Variants in SLC13A4 observed in about 807,000 individuals in gnomAD.
SLC13A4 encodes solute carrier family 13 member 4, also known as Na(+)/sulfate cotransporter SUT-1.
In SLC13A4, 28 loss-of-function variants were observed where a neutral mutation model predicts 72.7. The observed-to-expected ratio is 0.39, with a 90% CI of 0.29 to 0.53. The LOEUF is 0.53. Among genes scored for constraint, SLC13A4 ranks in the 20% least tolerant of loss-of-function variants. SLC13A4 has a pLI of 0.78. For synonymous variants in SLC13A4, 312 were observed against 325.5 expected, an observed-to-expected ratio of 0.96 and a Z score of 0.45; for missense variants, 653 against 788.0, an observed-to-expected ratio of 0.83 and a Z score of 2.05.
intron 15 of SLC13A4, among the ~76,000 whole-genome samples, chr7:135,682,561 G>T (rs146283109): frequency 7.9e-4 from 121 of 152,328 alleles, no homozygotes; most frequent in African/African-American, 2.5e-3. Context: ...CCGTCTGGTC[G>T]GGGCCCCCTG....
At chr7:135,700,099 C>T (rs938615441) in intron 7 of SLC13A4, among the ~76,000 whole-genome samples, 16 of 152,198 alleles carry the variant, frequency 1.1e-4, no homozygotes, top group Non-Finnish European at 2.4e-4. Flanking sequence ...ACCTGGATTA[C>T]ATAAAAACCC....
chr7:135,681,730 C>A, intron 15 of SLC13A4, 30 bp from the exon 16 acceptor site: 1 of 1,604,712 alleles, frequency 6.2e-7, no homozygotes. Flanking sequence ...ACACCCTAGT[C>A]ACTCTGACCA....
chr7:135,702,949 C>T (rs1796075249), intron 5 of SLC13A4, 65 bp from the exon 6 acceptor site: 2 of 1,224,296 alleles, frequency 1.6e-6, no homozygotes, highest in South Asian at 1.2e-5. Context: ...GGGAGGTCCC[C>T]CTGCATCAGG....
chr7:135,682,533 C>T (rs1411248245), intron 15 of SLC13A4, among the ~76,000 whole-genome samples: 1 of 152,226 alleles, frequency 6.6e-6, no homozygotes, highest in East Asian at 1.9e-4. Flanking sequence ...AATGGCTAGA[C>T]GTGTCCTCTC....
chr7:135,715,787 G>A (rs1012622393), intron 2 of SLC13A4, among the ~76,000 whole-genome samples: 1 of 152,156 alleles, frequency 6.6e-6, no homozygotes, highest in Admixed American at 6.5e-5. Flanking sequence ...CATTAGAAGG[G>A]GCTTAGAGGA....
rs868715269 is a variant in SLC13A4 at position 135,681,662 on chromosome 7, C to T, written c.1785G>A (p.Val595=). 1.2e-6 allele frequency: 2 copies of T among 1,613,956 alleles called. No individual in the cohort carries two copies. The highest frequency in any genetic ancestry group is 2.7e-5 in the African/African-American group (2 of 74,928). The change falls in exon 16 of 16, where the codon GTG becomes GTA. Residue 595 remains valine, a synonymous_variant. Transcript: ENST00000682651. ...AGGTGTTGATGGCCACCATTACTAT[C>T]ACCAGTCCAATAACGTTGACTCCCA... is the stretch of plus-strand genomic sequence containing the variant. The part of the protein sequence containing the change: ...AGLGVNVIGL[V]IVMVAINTWG...
chr7:135,697,774 G>C (rs575236534), intron 8 of SLC13A4, among the ~76,000 whole-genome samples: 29 of 152,170 alleles, frequency 1.9e-4, no homozygotes, highest in Admixed American at 6.5e-4. Context: ...CTTACCCTCT[G>C]TCGTTTTCTT....
At position 135,705,638 on chromosome 7, in the gene SLC13A4, T is replaced by C. The variant is rs1796143564; in HGVS notation, c.551A>G (p.Lys184Arg). 1 of 1,613,902 alleles carries C rather than the reference T, an allele frequency of 6.2e-7. No individual in the cohort carries two copies. The highest frequency in any genetic ancestry group is 1.7e-5 in the Admixed American group (1 of 59,988). ...GAGTTCCAGAGAAGGTTGGCTGTTC[T>C]TTACATCCAGACCTATGAGTAGCAA... The part of the protein sequence containing the change: ...EEAEPISLDV[K>R]NSQPSLELIF... Residue 184 changes from lysine (K) to arginine (R), a missense_variant, in exon 5 of 16, where the codon AAG becomes AGG. Coordinates refer to ENST00000682651, the MANE Select transcript of SLC13A4 (RefSeq NM_001318192.2).
chr7:135,687,777 G>A (rs200639512), intron 13 of SLC13A4, among the ~76,000 whole-genome samples: 2 of 15,892 alleles, frequency 1.3e-4, no homozygotes, highest in Admixed American at 6.8e-4. Flanking sequence ...TTTACTTAAC[G>A]TTATCCAAAT....
At chr7:135,707,892 G>C (rs963301383) in intron 3 of SLC13A4, 3 of 506,100 alleles carry the variant, frequency 5.9e-6, no homozygotes, top group Non-Finnish European at 1.0e-5. Context: ...AGGTCAATGG[G>C]TAAATTCTTT....
chr7:135,711,516 A>G (rs1427558943), intron 2 of SLC13A4, among the ~76,000 whole-genome samples: 1 of 152,182 alleles, frequency 6.6e-6, no homozygotes, highest in Non-Finnish European at 1.5e-5. Context: ...CAGTGCTATG[A>G]AGCAGCACTA....
At position 135,721,399 on chromosome 7, in the gene SLC13A4, T is replaced by C. The variant is rs1279653218; in HGVS notation, c.224A>G (p.Asn75Ser). 1 of 1,613,718 alleles carries C rather than the reference T, an allele frequency of 6.2e-7. No individual in the cohort carries two copies. The change falls in exon 2 of 16, where the codon AAT (asparagine) becomes AGT (serine). Residue 75 changes from asparagine to serine, a missense_variant. Transcript: ENST00000682651. ...LYPFFGVLRSNEVAAEYFKNT... is the reference protein window; with the variant it reads ...LYPFFGVLRSSEVAAEYFKNT... ...TGGGGCTACAAGTAGTCTAACCTCA[T>C]TGGACCGGAGGACTCCGAAGAACGG...
At position 135,727,733 on chromosome 7, in the gene SLC13A4, A is replaced by G; in HGVS notation, c.-237T>C. Reference sequence around the variant, plus strand: ...TGATGAGCATCGTTTTGTGACCAGCAAAAAGGAACTGGGAAAGGATGATAA... The same window carrying G: ...TGATGAGCATCGTTTTGTGACCAGCGAAAAGGAACTGGGAAAGGATGATAA... On this transcript the variant is annotated 5_prime_UTR_variant, in exon 1 of 16. Transcript: ENST00000682651. The G allele has an allele frequency of 6.3e-6, 3 of 472,956 alleles. No individual in the cohort carries two copies. Among genetic ancestry groups the G allele is most frequent in the Admixed American group, 3.6e-5 (1 of 27,928 alleles). 29.3% of individuals were successfully genotyped at this position (472,956 alleles called of 1,614,324 possible).
chr7:135,713,617 G>T (rs1450244008), intron 2 of SLC13A4, among the ~76,000 whole-genome samples: 1 of 151,840 alleles, frequency 6.6e-6, no homozygotes, highest in African/African-American at 2.4e-5. Flanking sequence ...TCACTCTGTT[G>T]CCCAGGCTGG....
In SLC13A4 at chr7:135,705,628, T is replaced by C. The variant is rs1472925258; in HGVS notation, c.561A>G (p.Gln187=). ...TGACAAAGATGAGTTCCAGAGAAGG[T>C]TGGCTGTTCTTTACATCCAGACCTA... ...EPISLDVKNS[Q]PSLELIFVNE... The change falls in exon 5 of 16, where the codon CAA becomes CAG. Residue 187 remains glutamine, a synonymous_variant. Coordinates refer to ENST00000682651, the MANE Select transcript of SLC13A4 (RefSeq NM_001318192.2). The C allele has an allele frequency of 1.2e-6, 2 of 1,613,966 alleles. No individual in the cohort carries two copies. Among genetic ancestry groups the C allele is most frequent in the Admixed American group, 1.7e-5 (1 of 59,988 alleles).
In SLC13A4 at chr7:135,706,270, C is replaced by T. The variant is rs748399619; in HGVS notation, c.396G>A (p.Thr132=). The part of the protein sequence containing the change: ...MLLLCFMCCT[T]LLSMWLSNTS... ...TGTTGGACAGCCACATGGACAGCAA[C>T]GTGGTACAGCACATGAAGCAGAGCA... The change falls in exon 4 of 16, where the codon ACG becomes ACA. Residue 132 remains threonine (T), a synonymous_variant. Coordinates refer to ENST00000682651, the MANE Select transcript of SLC13A4 (RefSeq NM_001318192.2). 2.2e-5 allele frequency: 35 copies of T among 1,613,048 alleles called. No homozygotes were observed. Among genetic ancestry groups the T allele is most frequent in the Middle Eastern group, 1.6e-4 (1 of 6,078 alleles).
At chr7:135,715,365 GTGTA>G (rs1563169057) in intron 2 of SLC13A4, among the ~76,000 whole-genome samples, 16 of 100,174 alleles carry the variant, frequency 1.6e-4, no homozygotes, top group Non-Finnish European at 2.0e-4. Context: ...ATGAGTGTAT[GTGTA>G]TGAGTGTGTG....
At position 135,727,497 on chromosome 7, in the gene SLC13A4, C is replaced by G; in HGVS notation, c.-1G>C. On this transcript the variant is annotated 5_prime_UTR_variant, in exon 1 of 16. Transcript: ENST00000682651. ...GGAGCAGGCCCTGCAGCAGGCCCAT[C>G]GCGCCTCTGTCCTCTCCAGCTCGTC... 1 of 1,550,218 alleles carries G rather than the reference C, an allele frequency of 6.5e-7. No homozygotes were observed. Among genetic ancestry groups the G allele is most frequent in the African/African-American group, 1.4e-5 (1 of 73,166 alleles).
chr7:135,685,687 T>G lies in SLC13A4; in HGVS notation c.1447-4A>C. On this transcript the variant is annotated splice_region_variant and splice_polypyrimidine_tract_variant and intron_variant, in intron 13 of 15. Transcript: ENST00000682651. ...TCCATGTAGAGAGGCCAGAGCTCTGTAGGAAGAGGTGTTACAGTAAGAAGA... is the reference window on the plus strand; with the variant it reads ...TCCATGTAGAGAGGCCAGAGCTCTGGAGGAAGAGGTGTTACAGTAAGAAGA... The G allele has an allele frequency of 6.2e-7, 1 of 1,610,852 alleles. No homozygotes were observed. The highest frequency in any genetic ancestry group is 1.7e-5 in the Admixed American group (1 of 59,950).
Sources: gnomAD v4.1 joint callset for allele counts (sites outside exome capture counted in the v4.1 genomes callset) on GRCh38, gnomAD v4.1.1 for gene constraint, MANE v1.5 for transcripts, NCBI Gene and HGNC (gene_info 2026-07-23, HGNC 2026-07-21) for gene names.